The following SHROOM3 variants were observed in gnomAD, a reference collection of about 807,000 sequenced individuals.
SHROOM3 encodes protein Shroom3.
In SHROOM3, 47 loss-of-function variants were observed where a neutral mutation model predicts 138.6. That is an observed-to-expected ratio of 0.34 (90% CI 0.27 to 0.43). The LOEUF (loss-of-function observed/expected upper bound fraction) is 0.43, where lower values mean the gene tolerates loss of function less well. SHROOM3 is among the 20% of genes least tolerant of loss of function. The pLI, the probability that SHROOM3 is intolerant of heterozygous loss-of-function variation, is 1.00. For missense variants in SHROOM3, 2,491 were observed against 2,596.5 expected, an observed-to-expected ratio of 0.96 and a Z score of 0.88; for synonymous variants, 1,062 against 1,063.3, an observed-to-expected ratio of 1.00 and a Z score of 0.02.
intron 3 of SHROOM3, among the ~76,000 whole-genome samples, chr4:76,725,095 T>A (rs1452812907): frequency 6.6e-6 from 1 of 152,176 alleles, no homozygotes; most frequent in Non-Finnish European, 1.5e-5. Flanking sequence ...TTTGTTTTTT[T>A]TTCCTCGTGT....
chr4:76,756,761 A>G lies in SHROOM3; in HGVS notation c.5022A>G (p.Glu1674=). 1 of 1,614,136 alleles carries G rather than the reference A, an allele frequency of 6.2e-7. No homozygotes were observed. Among genetic ancestry groups the G allele is most frequent in the Non-Finnish European group, 8.5e-7 (1 of 1,180,028 alleles). ...TCAGAACAGAGGCTTTGGCCAAGGA[A>G]ATTGTCCACCAAGACAAATCTCTAG... ...EDIRTEALAK[E]IVHQDKSLAD... Residue 1674 remains glutamate (E), a synonymous_variant, in exon 8 of 11, where the codon GAA becomes GAG. Transcript: ENST00000296043.
At chr4:76,550,599 A>T (rs1733330712) in intron 1 of SHROOM3, among the ~76,000 whole-genome samples, 1 of 151,998 alleles carries the variant, frequency 6.6e-6, no homozygotes, top group African/African-American at 2.4e-5. Flanking sequence ...AATAATTAAA[A>T]CCCCAAGACA....
chr4:76,739,732 A>G lies in SHROOM3; in HGVS notation c.1559A>G (p.Gln520Arg). Residue 520 changes from glutamine to arginine, a missense_variant, in exon 5 of 11, where the codon CAG becomes CGG. By Grantham distance (43) the Gln-to-Arg change is conservative. Transcript: ENST00000296043. Reference protein sequence around the residue: ...KMATIDENGNQNGSGRPGFAF... With the variant: ...KMATIDENGNRNGSGRPGFAF... The stretch of plus-strand genomic sequence containing the variant: ...GCTACCATTGATGAGAATGGGAACC[A>G]GAATGGATCTGGCAGGCCTGGGTTT... 1 of 1,614,246 alleles carries G rather than the reference A, an allele frequency of 6.2e-7. No individual in the cohort carries two copies. The highest frequency in any genetic ancestry group is 8.5e-7 in the Non-Finnish European group (1 of 1,180,044).
At chr4:76,661,983 C>T (rs1239041459) in intron 2 of SHROOM3, among the ~76,000 whole-genome samples, 3 of 152,192 alleles carry the variant, frequency 2.0e-5, no homozygotes, top group African/African-American at 7.2e-5. Context: ...GTTCCATAAC[C>T]TTCCCAACAT....
intron 1 of SHROOM3, among the ~76,000 whole-genome samples, chr4:76,494,724 G>T (rs182266919): frequency 9.2e-5 from 14 of 152,318 alleles, no homozygotes; most frequent in Non-Finnish European, 2.1e-4. Flanking sequence ...TATCCTGAGG[G>T]TGAGTAGTGG....
intron 2 of SHROOM3, among the ~76,000 whole-genome samples, chr4:76,633,835 G>A (rs1735413887): frequency 6.6e-6 from 1 of 152,068 alleles, no homozygotes; most frequent in South Asian, 2.1e-4. Context: ...GGAGCTCCAG[G>A]CCCCTAGTCT....
chr4:76,631,545 T>C lies in SHROOM3; in HGVS notation c.323+75782T>C, dbSNP rs187200095. On this transcript the variant is annotated intron_variant, in intron 2 of 10. Transcript: ENST00000296043. ...GACTTTTGAACTGAAACCTAAACCA[T>C]AGGAAAGAACCAGCCACATGGAGAT... is the stretch of plus-strand genomic sequence containing the variant. Among the ~76,000 whole-genome samples, 9 of 151,982 alleles carry C rather than the reference T, an allele frequency of 5.9e-5. No individual in the cohort carries two copies. The East Asian group carries it at 9.7e-4, about 16-fold the overall frequency.
At chr4:76,572,683 GCAGCTCTAGC>G (rs879363277) in intron 2 of SHROOM3, among the ~76,000 whole-genome samples, 7 of 152,206 alleles carry the variant, frequency 4.6e-5, no homozygotes, top group Non-Finnish European at 7.3e-5. Context: ...TGTTTTAGGG[GCAGCTCTAGC>G]AGTATAACAG....
chr4:76,645,480 A>T (rs964215977), intron 2 of SHROOM3: 1 of 152,248 alleles, frequency 6.6e-6, no homozygotes, highest in Non-Finnish European at 1.5e-5. Context: ...ATGGCCACAG[A>T]AAGGTTGTAT....
At chr4:76,778,546 A>T (rs569751815) in intron 10 of SHROOM3, among the ~76,000 whole-genome samples, 9 of 152,296 alleles carry the variant, frequency 5.9e-5, no homozygotes, top group South Asian at 2.1e-4. Flanking sequence ...AAAGTCAAGA[A>T]TCTGAAAGCA....
At chr4:76,749,132 G>A in intron 6 of SHROOM3, 42 bp downstream of exon 6, 1 of 1,545,948 alleles carries the variant, frequency 6.5e-7, no homozygotes, top group Non-Finnish European at 8.9e-7. Context: ...TATGAATGCT[G>A]CTGGTGTTAA....
At chr4:76,615,804 G>T (rs181776508) in intron 2 of SHROOM3, among the ~76,000 whole-genome samples, 4 of 152,296 alleles carry the variant, frequency 2.6e-5, no homozygotes, top group Admixed American at 2.6e-4. Context: ...CAGGAGACAG[G>T]ATCAAAGAAT....
intron 2 of SHROOM3, among the ~76,000 whole-genome samples, chr4:76,677,057 A>G (rs965931144): frequency 1.3e-5 from 2 of 152,224 alleles, no homozygotes; most frequent in African/African-American, 4.8e-5. Flanking sequence ...CAATTTTTAA[A>G]GAAAATTTGA....
At chr4:76,640,108 G>A (rs1459424016) in intron 2 of SHROOM3, among the ~76,000 whole-genome samples, 1 of 152,020 alleles carries the variant, frequency 6.6e-6, no homozygotes, top group Non-Finnish European at 1.5e-5. Context: ...CAGATAAAGG[G>A]GGAGTTTTCT....
intron 1 of SHROOM3, among the ~76,000 whole-genome samples, chr4:76,488,476 T>G (rs1731783829): frequency 6.6e-6 from 1 of 152,230 alleles, no homozygotes; most frequent in South Asian, 2.1e-4. Flanking sequence ...GAACATTGTT[T>G]CATTGGAGAG....
intron 1 of SHROOM3, among the ~76,000 whole-genome samples, chr4:76,483,670 C>A (rs1010121252): frequency 3.3e-5 from 5 of 152,070 alleles, no homozygotes; most frequent in Admixed American, 2.0e-4. Flanking sequence ...GATTATAAAT[C>A]ATTCTATAAA....
chr4:76,631,336 T>C (rs1735315098), intron 2 of SHROOM3, among the ~76,000 whole-genome samples: 1 of 151,412 alleles, frequency 6.6e-6, no homozygotes, highest in African/African-American at 2.4e-5. Flanking sequence ...GTCTCCTAAG[T>C]AGCTGAGATT....
chr4:76,737,932 G>A (rs1424619656), intron 4 of SHROOM3, among the ~76,000 whole-genome samples: 3 of 125,172 alleles, frequency 2.4e-5, no homozygotes, highest in African/African-American at 8.6e-5. Flanking sequence ...TACAGTGATT[G>A]ATAGTCTTTT....
At chr4:76,458,036 G>A (rs6839100) in intron 1 of SHROOM3, among the ~76,000 whole-genome samples, 35,023 of 151,920 alleles carry the variant, frequency 0.23, 4,255 homozygotes, top group Middle Eastern at 0.28. Flanking sequence ...CTCATGATCC[G>A]CCTGCCTGGG....
Sources: allele counts gnomAD v4.1 joint callset (sites outside exome capture counted in the v4.1 genomes callset), GRCh38; gene constraint gnomAD v4.1.1; transcripts MANE v1.5; gene names NCBI Gene and HGNC (gene_info 2026-07-23, HGNC 2026-07-21).